The following KIRREL3 variants were observed in gnomAD, a reference collection of about 807,000 sequenced individuals.
KIRREL3 encodes the protein kin of IRRE-like protein 3.
Under a neutral mutation model 89.7 loss-of-function variants are expected in KIRREL3, and 36 were observed. The observed-to-expected ratio is 0.40, with a 90% CI of 0.31 to 0.53. The LOEUF is 0.53. KIRREL3 is among the 20% of genes least tolerant of loss of function. The probability of loss-of-function intolerance (pLI) is 0.49; values close to 1 mark genes in which losing one functional copy is unlikely to be tolerated. For missense variants in KIRREL3, 864 were observed against 1,056.6 expected (o/e 0.82, Z 2.53); for synonymous variants, 445 against 441.4 (o/e 1.01, Z -0.10).
intron 1 of KIRREL3, among the ~76,000 whole-genome samples, chr11:126,854,236 C>T (rs1314718942): frequency 6.6e-6 from 1 of 151,388 alleles, no homozygotes; most frequent in Non-Finnish European, 1.5e-5. Context: ...TGTTAAAATG[C>T]ACTAAAATAA....
rs897829981 is a variant in KIRREL3, at chr11:126,495,985, G to A, written c.434-22519C>T. 3.3e-5 allele frequency among the ~76,000 whole-genome samples: 5 copies of A among 152,120 alleles called. No individual in the cohort carries two copies. Among genetic ancestry groups the A allele is most frequent in the African/African-American group, 7.2e-5 (3 of 41,420 alleles). ...GTATCTGCACTGCTACTACCCCAGC[G>A]CTCCAGCCCCTAGCTGTTTGCATCT... is the stretch of plus-strand genomic sequence containing the variant. On this transcript the variant is annotated intron_variant, in intron 4 of 16. Coordinates refer to ENST00000525144, the MANE Select transcript of KIRREL3 (RefSeq NM_032531.4). This position sits in a 1 kb window ranked among gnomAD's most constrained non-coding sequence, Gnocchi z 6.5.
intron 1 of KIRREL3, among the ~76,000 whole-genome samples, chr11:126,902,329 A>G (rs1447000936): frequency 6.6e-6 from 1 of 152,242 alleles, no homozygotes; most frequent in Admixed American, 6.5e-5. Flanking sequence ...ATAGAGGAAG[A>G]GGATCCCATT....
At position 126,590,879 on chromosome 11, in the gene KIRREL3, T is replaced by C. The variant is rs74706723; in HGVS notation, c.56-27967A>G. ...CTCCCCACCCCTTCTCTCCTCAAAA[T>C]TTGTCCTGTATGTCTCATTTCACCC... is the stretch of plus-strand genomic sequence containing the variant. On this transcript the variant is annotated intron_variant, in intron 1 of 16. Transcript: ENST00000525144. Among the ~76,000 whole-genome samples the C allele has an allele frequency of 2.4e-3, 365 of 152,274 alleles. 11 individuals carry two copies. In the East Asian group the frequency reaches 0.063, roughly 26 times the overall value.
Position 126,553,602 on chromosome 11 carries a change from T to C in KIRREL3, c.133+9233A>G, listed in dbSNP as rs1194695250. On this transcript the variant is annotated intron_variant, in intron 2 of 16. Transcript: ENST00000525144. This position sits in a 1 kb window ranked among gnomAD's most constrained non-coding sequence, Gnocchi z 4.7. ...CAGGTGGCCACCTCAAGGGAGCAGC[T>C]GGGGCTATCTGCGTGTCGATTCCCG... 6.6e-6 allele frequency among the ~76,000 whole-genome samples: 1 copy of C among 152,230 alleles called. No homozygotes were observed. Among genetic ancestry groups the C allele is most frequent in the South Asian group, 2.1e-4 (1 of 4,834 alleles).
At chr11:126,688,307 G>T (rs1245969451) in intron 1 of KIRREL3, among the ~76,000 whole-genome samples, 2 of 152,212 alleles carry the variant, frequency 1.3e-5, no homozygotes, top group Admixed American at 6.5e-5. Context: ...AAGCGATATT[G>T]ATTGCAAATA....
Position 126,709,982 on chromosome 11 carries a change from C to CAGGA in KIRREL3, c.56-147071_56-147070insTCCT, listed in dbSNP as rs1947694510. ...CATTCTGCATTCATTATCACTAATC[C>CAGGA]TTACACATGCCCTGCCAGGAAGTTA... On this transcript the variant is annotated intron_variant, in intron 1 of 16. Coordinates refer to ENST00000525144, the MANE Select transcript of KIRREL3 (RefSeq NM_032531.4). This position sits in a 1 kb window ranked among gnomAD's most constrained non-coding sequence, Gnocchi z 4.0. Among the ~76,000 whole-genome samples the CAGGA allele has an allele frequency of 1.3e-5, 2 of 152,214 alleles. No individual in the cohort carries two copies. The highest frequency in any genetic ancestry group is 2.9e-5 in the Non-Finnish European group (2 of 68,036).
At position 126,431,130 on chromosome 11, in the gene KIRREL3, G is replaced by A. The variant is rs1955111675; in HGVS notation, c.1696+289C>T. On this transcript the variant is annotated intron_variant, in intron 14 of 16. Coordinates refer to ENST00000525144, the MANE Select transcript of KIRREL3 (RefSeq NM_032531.4). This position sits in a 1 kb window ranked among gnomAD's most constrained non-coding sequence, Gnocchi z 7.1. ...AAACCGCTTTTCCCCCTATCTTTCT[G>A]TACAGTTCCTGACTGAAAGAGCTAT... 5 of 1,426,810 alleles carry A rather than the reference G, an allele frequency of 3.5e-6. No individual in the cohort carries two copies. Among genetic ancestry groups the A allele is most frequent in the Non-Finnish European group, 4.6e-6 (5 of 1,094,148 alleles). The allele number at this position is 1,426,810 out of a possible 1,614,324, so 88.4% of individuals were successfully genotyped here. A position where few individuals can be genotyped will look rare whatever the true frequency, so the allele number is the denominator to read the frequency against.
chr11:126,424,304 G>A lies in KIRREL3; in HGVS notation c.*276C>T. 2.0e-6 allele frequency: 1 copy of A among 512,474 alleles called. No homozygotes were observed. Among genetic ancestry groups the A allele is most frequent in the Non-Finnish European group, 3.5e-6 (1 of 284,294 alleles). 31.7% of individuals were successfully genotyped at this position (512,474 alleles called of 1,614,324 possible). A position where few individuals can be genotyped will look rare whatever the true frequency, so the allele number is the denominator to read the frequency against. On this transcript the variant is annotated 3_prime_UTR_variant, in exon 17 of 17. Transcript: ENST00000525144. ...GAGCAGGTGGTAGAGGGGCCTCCAGGAAAGGGCCGGGGACACGGGTGTCCA... is the reference window on the plus strand; with the variant it reads ...GAGCAGGTGGTAGAGGGGCCTCCAGAAAAGGGCCGGGGACACGGGTGTCCA...
rs1592115510 is a variant in KIRREL3, at chr11:126,778,663, G to T, written c.56-215751C>A. Among the ~76,000 whole-genome samples, 1 of 152,246 alleles carries T rather than the reference G, an allele frequency of 6.6e-6. No individual in the cohort carries two copies. The highest frequency in any genetic ancestry group is 1.5e-5 in the Non-Finnish European group (1 of 68,012). ...ATGCATATGGTACAGCTTTTGAATG[G>T]TGTGATCACATGGCTCTCCAGAAAG... On this transcript the variant is annotated intron_variant, in intron 1 of 16. Coordinates refer to ENST00000525144, the MANE Select transcript of KIRREL3 (RefSeq NM_032531.4). This position sits in a 1 kb window ranked among gnomAD's most constrained non-coding sequence, Gnocchi z 4.5.
chr11:126,863,420 CGCATGTGT>C (rs1565362789), intron 1 of KIRREL3, among the ~76,000 whole-genome samples: 26,875 of 134,290 alleles, frequency 0.2, 3,646 homozygotes, highest in East Asian at 0.41. Flanking sequence ...CGTGTGTGAG[CGCATGTGT>C]GTGAGTGCGT....
intron 1 of KIRREL3, among the ~76,000 whole-genome samples, chr11:126,964,384 T>C (rs995381203): frequency 2.0e-5 from 3 of 152,162 alleles, no homozygotes; most frequent in African/African-American, 7.2e-5. Flanking sequence ...CCCCCATAGA[T>C]AGATAGTTTT....
chr11:126,735,216 A>G (rs1948762019), intron 1 of KIRREL3, among the ~76,000 whole-genome samples: 1 of 152,174 alleles, frequency 6.6e-6, no homozygotes, highest in Non-Finnish European at 1.5e-5. Flanking sequence ...TGAGGGCTAG[A>G]TGAGATAAAA....
At chr11:126,831,561 T>A (rs532990205) in intron 1 of KIRREL3, among the ~76,000 whole-genome samples, 93 of 152,246 alleles carry the variant, frequency 6.1e-4, no homozygotes, top group South Asian at 2.3e-3. Flanking sequence ...GTACATTTAA[T>A]TCTAAGAGGA....
rs1225672201 is a variant in KIRREL3, at chr11:126,908,642, C to T, written c.55+91813G>A. On this transcript the variant is annotated intron_variant, in intron 1 of 16. Transcript: ENST00000525144. The surrounding 1 kb of genome is among the most constrained non-coding windows in gnomAD (Gnocchi z 4.2). ...AGTCACAAAAGGTAAGTGATTTGCT[C>T]AAAATCACAAATTCATTCATTTAAC... 1.3e-5 allele frequency among the ~76,000 whole-genome samples: 2 copies of T among 152,306 alleles called. No homozygotes were observed. The highest frequency in any genetic ancestry group is 3.9e-4 in the East Asian group (2 of 5,180).
chr11:126,980,559 G>T (rs200000839), intron 1 of KIRREL3, among the ~76,000 whole-genome samples: 116 of 152,284 alleles, frequency 7.6e-4, no homozygotes, highest in Non-Finnish European at 1.4e-3. Flanking sequence ...AACTTGATAG[G>T]GTGCTATAAT....
intron 1 of KIRREL3, among the ~76,000 whole-genome samples, chr11:126,604,928 G>A (rs1312575088): frequency 6.6e-6 from 1 of 152,212 alleles, no homozygotes; most frequent in Non-Finnish European, 1.5e-5. Flanking sequence ...TCAGGCTGAT[G>A]CTATCTCCCT....
intron 1 of KIRREL3, among the ~76,000 whole-genome samples, chr11:126,979,463 G>T (rs968707169): frequency 6.6e-6 from 1 of 152,250 alleles, no homozygotes; most frequent in African/African-American, 2.4e-5. Flanking sequence ...ATTGATTTGC[G>T]GGAAATTCAT....
rs1040688353 is a variant in KIRREL3, at chr11:126,531,321, T to C, written c.134-4634A>G. Among the ~76,000 whole-genome samples the C allele has an allele frequency of 2.0e-5, 3 of 152,242 alleles. No homozygotes were observed. Among genetic ancestry groups the C allele is most frequent in the Non-Finnish European group, 4.4e-5 (3 of 68,046 alleles). ...CCATTAATGTGCTGAACCTGGATTT[T>C]CCGTCTTAATTCACCACTTGCTTCA... On this transcript the variant is annotated intron_variant, in intron 2 of 16. Coordinates refer to ENST00000525144, the MANE Select transcript of KIRREL3 (RefSeq NM_032531.4). This position sits in a 1 kb window ranked among gnomAD's most constrained non-coding sequence, Gnocchi z 4.7.
rs1019138481 is a variant in KIRREL3 at position 126,879,919 on chromosome 11, C to T, written c.55+120536G>A. On this transcript the variant is annotated intron_variant, in intron 1 of 16. Coordinates refer to ENST00000525144, the MANE Select transcript of KIRREL3 (RefSeq NM_032531.4). The surrounding 1 kb of genome is among the most constrained non-coding windows in gnomAD (Gnocchi z 5.4). ...ACAGACCATTCCCCCACCACCCCGC[C>T]GCCATCTCAGTTATTCAAGAAGGAA... Among the ~76,000 whole-genome samples, 16 of 152,164 alleles carry T rather than the reference C, an allele frequency of 1.1e-4. No individual in the cohort carries two copies. Among genetic ancestry groups the T allele is most frequent in the Non-Finnish European group, 1.8e-4 (12 of 68,034 alleles).
Sources: gnomAD v4.1 joint callset for allele counts (sites outside exome capture counted in the v4.1 genomes callset) on GRCh38, gnomAD v4.1.1 for gene constraint, Gnocchi (gnomAD v3.1) non-coding constraint, MANE v1.5 for transcripts, NCBI Gene and HGNC (gene_info 2026-07-23, HGNC 2026-07-21) for gene names.